The following AHR variants were observed in gnomAD, a reference collection of about 807,000 sequenced individuals.
AHR encodes the protein AH-receptor.
A neutral mutation model predicts 86.8 loss-of-function variants in AHR; 40 were observed. The ratio of observed to expected loss-of-function variants is 0.46; its 90% CI spans 0.36 to 0.60. The LOEUF (loss-of-function observed/expected upper bound fraction) is 0.60. Among genes scored for constraint, AHR ranks in the 20% least tolerant of loss-of-function variants. AHR has a pLI of 0.00. For missense variants in AHR, 1,001 were observed against 1,011.6 expected (o/e 0.99, Z 0.14); for synonymous variants, 398 against 354.9 (o/e 1.12, Z -1.37).
At chr7:17,327,965 T>C in intron 4 of AHR, 117 bp downstream of exon 4, 2 of 303,036 alleles carry the variant, frequency 6.6e-6, no homozygotes, top group Non-Finnish European at 1.1e-5. Context: ...TAGAATACAG[T>C]ATGTATTTGT....
At chr7:17,325,058 G>A (rs545795514) in intron 3 of AHR, among the ~76,000 whole-genome samples, 3 of 152,198 alleles carry the variant, frequency 2.0e-5, no homozygotes, top group African/African-American at 7.2e-5. Context: ...TAATAAGTGA[G>A]CTTAACAAAA....
At position 17,343,869 on chromosome 7, in the gene AHR, A is replaced by G. The variant is rs1482285264; in HGVS notation, c.*805A>G. 2.0e-5 allele frequency: 3 copies of G among 152,556 alleles called. No homozygotes were observed. Among genetic ancestry groups the G allele is most frequent in the African/African-American group, 4.8e-5 (2 of 41,446 alleles). 9.5% of individuals were successfully genotyped at this position (152,556 alleles called of 1,614,324 possible). On this transcript the variant is annotated 3_prime_UTR_variant, in exon 11 of 11. Transcript: ENST00000242057. ...GACTATAAATGTTGCTATGTGCCTT[A>G]TGTTGAAAAAATTTAAAAGTAAAAT...
At position 17,338,976 on chromosome 7, in the gene AHR, A is replaced by T. The variant is rs1782386060; in HGVS notation, c.1161-10A>T. The T allele has an allele frequency of 1.3e-6, 2 of 1,539,040 alleles. No individual in the cohort carries two copies. The highest frequency in any genetic ancestry group is 4.6e-5 in the East Asian group (2 of 43,796). Reference sequence around the variant, plus strand: ...ATTTTTTTCTAAGACTTTTTTGTACACAATTTTAGAGATGAGGAAGGAACA... The same window carrying T: ...ATTTTTTTCTAAGACTTTTTTGTACTCAATTTTAGAGATGAGGAAGGAACA... On this transcript the variant is annotated splice_polypyrimidine_tract_variant and intron_variant, in intron 9 of 10. Transcript: ENST00000242057.
At position 17,339,236 on chromosome 7, in the gene AHR, C is replaced by G. The variant is rs149412835; in HGVS notation, c.1411C>G (p.Pro471Ala). The G allele has an allele frequency of 3.3e-5, 54 of 1,614,168 alleles. No individual in the cohort carries two copies. Among genetic ancestry groups the G allele is most frequent in the Non-Finnish European group, 4.4e-5 (52 of 1,180,012 alleles). Residue 471 changes from proline (P) to alanine (A), a missense_variant, in exon 10 of 11, where the codon CCT becomes GCT. By Grantham distance (27) the Pro-to-Ala change is conservative. This residue lies in a region of AHR where 607 missense variants were observed against 543.1 expected (regional missense o/e 1.12). Coordinates refer to ENST00000242057, the MANE Select transcript of AHR (RefSeq NM_001621.5). ...ACAAGATGAGTCTATTTATCTCTAT[C>G]CTGCTTCAAGTACTTCAAGTACTGC... ...MQQDESIYLYPASSTSSTAPF... is the reference protein window; with the variant it reads ...MQQDESIYLYAASSTSSTAPF...
In AHR at chr7:17,299,079, G is replaced by A; in HGVS notation, c.-186G>A. On this transcript the variant is annotated 5_prime_UTR_variant, in exon 1 of 11. Coordinates refer to ENST00000242057, the MANE Select transcript of AHR (RefSeq NM_001621.5). ...GCTCACCTGTACTGGCGCGGGCTGC[G>A]GAAGCCTGCGTGAGCCGAGGCGTTG... 1 of 586,758 alleles carries A rather than the reference G, an allele frequency of 1.7e-6. No homozygotes were observed. Among genetic ancestry groups the A allele is most frequent in the Non-Finnish European group, 2.8e-6 (1 of 359,784 alleles). 36.3% of individuals were successfully genotyped at this position (586,758 alleles called of 1,614,324 possible).
At chr7:17,315,444 C>A (rs371496426) in intron 2 of AHR, among the ~76,000 whole-genome samples, 1 of 151,928 alleles carries the variant, frequency 6.6e-6, no homozygotes, top group East Asian at 1.9e-4. Flanking sequence ...TTGCTGCTTT[C>A]CTGTCTCTTT....
chr7:17,300,022 G>A (rs1478561579), intron 1 of AHR, among the ~76,000 whole-genome samples: 1 of 152,100 alleles, frequency 6.6e-6, no homozygotes, highest in Non-Finnish European at 1.5e-5. Context: ...TCACTTTTGG[G>A]GTGGCTTTAG....
At chr7:17,301,647 A>C (rs545055061) in intron 1 of AHR, among the ~76,000 whole-genome samples, 5 of 152,016 alleles carry the variant, frequency 3.3e-5, no homozygotes, top group African/African-American at 1.2e-4. Context: ...TTCAATCTTG[A>C]GTTGAATTTA....
intron 2 of AHR, among the ~76,000 whole-genome samples, chr7:17,311,651 T>C (rs1584031599): frequency 6.6e-6 from 1 of 152,330 alleles, no homozygotes; most frequent in East Asian, 1.9e-4. Flanking sequence ...GGAAAGATTA[T>C]ATATTTCAAA....
intron 2 of AHR, among the ~76,000 whole-genome samples, chr7:17,321,292 A>G (rs1177018881): frequency 2.0e-5 from 3 of 152,010 alleles, no homozygotes; most frequent in African/African-American, 7.2e-5. Context: ...GTATTGATCC[A>G]CTATGTGTCA....
chr7:17,339,039 T>C lies in AHR; in HGVS notation c.1214T>C (p.Met405Thr), dbSNP rs1477617557. Reference protein sequence around the residue: ...LRKRNTKLPFMFTTGEAVLYE... With the variant: ...LRKRNTKLPFTFTTGEAVLYE... ...AAACGAAATACGAAGTTGCCTTTTATGTTTACCACTGGAGAAGCTGTGTTG... is the reference window on the plus strand; with the variant it reads ...AAACGAAATACGAAGTTGCCTTTTACGTTTACCACTGGAGAAGCTGTGTTG... The change falls in exon 10 of 11, where the codon ATG becomes ACG. Residue 405 changes from methionine to threonine, a missense_variant. This residue lies in a region of AHR where 607 missense variants were observed against 543.1 expected (regional missense o/e 1.12). Transcript: ENST00000242057. 2 of 1,614,094 alleles carry C rather than the reference T, an allele frequency of 1.2e-6. No homozygotes were observed. Among genetic ancestry groups the C allele is most frequent in the Non-Finnish European group, 1.7e-6 (2 of 1,180,046 alleles).
intron 1 of AHR, among the ~76,000 whole-genome samples, 192 bp from the exon 2 acceptor site, chr7:17,309,744 G>A (rs1394774092): frequency 1.3e-5 from 2 of 152,064 alleles, no homozygotes; most frequent in African/African-American, 2.4e-5. Flanking sequence ...TGAAATATTC[G>A]GAAGAATTTA....
intron 9 of AHR, among the ~76,000 whole-genome samples, chr7:17,336,273 A>G (rs1218464388): frequency 1.3e-5 from 2 of 152,110 alleles, no homozygotes; most frequent in African/African-American, 2.4e-5. Flanking sequence ...CCAATTGACC[A>G]GTAACATTGA....
At chr7:17,337,567 C>G (rs1032212157) in intron 9 of AHR, among the ~76,000 whole-genome samples, 1 of 150,588 alleles carries the variant, frequency 6.6e-6, no homozygotes, top group Non-Finnish European at 1.5e-5. Flanking sequence ...CTCCGCCACC[C>G]GGGTTCACGC....
At chr7:17,308,902 G>A (rs1160933228) in intron 1 of AHR, among the ~76,000 whole-genome samples, 1 of 152,134 alleles carries the variant, frequency 6.6e-6, no homozygotes, top group East Asian at 1.9e-4. Flanking sequence ...TACAAAAGCT[G>A]ATATAATTCC....
chr7:17,341,886 A>G (rs1282979394), intron 10 of AHR, among the ~76,000 whole-genome samples: 1 of 152,158 alleles, frequency 6.6e-6, no homozygotes, highest in African/African-American at 2.4e-5. Context: ...AGTATGTTTA[A>G]AGAGAATGGT....
Position 17,299,343 on chromosome 7 carries a change from G to T in AHR, c.65+14G>T, listed in dbSNP as rs753555463. 1.2e-6 allele frequency: 2 copies of T among 1,611,218 alleles called. No homozygotes were observed. The highest frequency in any genetic ancestry group is 1.7e-6 in the Non-Finnish European group (2 of 1,179,242). The stretch of plus-strand genomic sequence containing the variant: ...GGTGCAGAAAACGTGAGTGTCCCGA[G>T]CGCGTCCTCATCGCGGGGGCTGGGC... On this transcript the variant is annotated intron_variant, in intron 1 of 10. Transcript: ENST00000242057.
chr7:17,333,405 T>C (rs1409991077), intron 6 of AHR, among the ~76,000 whole-genome samples: 1 of 151,996 alleles, frequency 6.6e-6, no homozygotes, highest in African/African-American at 2.4e-5. Context: ...CTTTACTCAG[T>C]AGGGCTCTGC....
chr7:17,333,237 A>G (rs953000064), intron 6 of AHR, among the ~76,000 whole-genome samples: 14 of 151,870 alleles, frequency 9.2e-5, no homozygotes, highest in African/African-American at 3.4e-4. Flanking sequence ...TCTGAGGTGG[A>G]ATATCTGTGT....
Sources: allele counts gnomAD v4.1 joint callset (sites outside exome capture counted in the v4.1 genomes callset), GRCh38; gene constraint gnomAD v4.1.1; regional missense constraint gnomAD v4.1.1; transcripts MANE v1.5; gene names NCBI Gene and HGNC (gene_info 2026-07-23, HGNC 2026-07-21).